The following DCC variants were observed in gnomAD, a reference collection of about 807,000 sequenced individuals.
The protein encoded by DCC is DCC netrin 1 receptor, also known as netrin receptor DCC.
A neutral mutation model predicts 172.5 loss-of-function variants in DCC; 58 were observed. The observed-to-expected ratio is 0.34, with a 90% CI of 0.27 to 0.42. The LOEUF is 0.42. Ranked by LOEUF, DCC falls within the 10% of genes least tolerant of loss-of-function variation. DCC has a pLI of 1.00. For missense variants in DCC, 1,740 were observed against 1,791.0 expected, an observed-to-expected ratio of 0.97 and a Z score of 0.51; for synonymous variants, 709 against 644.5, an observed-to-expected ratio of 1.10 and a Z score of -1.52.
At chr18:52,357,335 A>G (rs773994317) in intron 1 of DCC, among the ~76,000 whole-genome samples, 3 of 152,144 alleles carry the variant, frequency 2.0e-5, no homozygotes, top group Non-Finnish European at 4.4e-5. Context: ...GAAATTCTTT[A>G]AAAAAGTGAA....
chr18:53,433,199 G>A (rs780445146), intron 21 of DCC, among the ~76,000 whole-genome samples: 10 of 151,946 alleles, frequency 6.6e-5, no homozygotes, highest in African/African-American at 1.7e-4. Context: ...TGACCTATAC[G>A]GCATCTGATT....
chr18:53,271,483 T>A (rs1213647603), intron 12 of DCC, among the ~76,000 whole-genome samples: 1 of 152,178 alleles, frequency 6.6e-6, no homozygotes, highest in African/African-American at 2.4e-5. Context: ...TGTGTTTTCA[T>A]CTGCAAGTTT....
intron 5 of DCC, among the ~76,000 whole-genome samples, chr18:53,036,355 T>G (rs2042092028): frequency 6.6e-6 from 1 of 151,992 alleles, no homozygotes; most frequent in Admixed American, 6.6e-5. Flanking sequence ...TGTGATTTTA[T>G]CTGCAAGCAA....
At position 53,087,151 on chromosome 18, in the gene DCC, G is replaced by C. The variant is rs147065771; in HGVS notation, c.1261+20985G>C. 5.6e-3 allele frequency among the ~76,000 whole-genome samples: 848 copies of C among 152,148 alleles called. 9 individuals are homozygous for C. Among genetic ancestry groups the C allele is most frequent in the African/African-American group, 0.019 (808 of 41,502 alleles). On this transcript the variant is annotated intron_variant, in intron 7 of 28. Coordinates refer to ENST00000442544, the MANE Select transcript of DCC (RefSeq NM_005215.4). ...ATGGCTGGGTCAAATGGTATTTCTA[G>C]TCCTAGATCCATGAAGAATCGCCAC...
At position 52,697,356 on chromosome 18, in the gene DCC, C is replaced by T. The variant is rs113605144; in HGVS notation, c.92-54698C>T. ...CCAGTACTAATGGATTTCCATCTGA[C>T]GATGATGTGTTCATGGCAGCGATAT... On this transcript the variant is annotated intron_variant, in intron 1 of 28. Transcript: ENST00000442544. 1.9e-3 allele frequency among the ~76,000 whole-genome samples: 286 copies of T among 152,218 alleles called. 2 individuals are homozygous for T. The highest frequency in any genetic ancestry group is 5.9e-3 in the African/African-American group (246 of 41,538).
At chr18:53,378,688 T>C (rs1198809665) in intron 15 of DCC, among the ~76,000 whole-genome samples, 1 of 152,180 alleles carries the variant, frequency 6.6e-6, no homozygotes, top group African/African-American at 2.4e-5. Context: ...CTGAAACATT[T>C]CTCACTAAGC....
At chr18:52,677,402 G>A (rs2035663298) in intron 1 of DCC, among the ~76,000 whole-genome samples, 1 of 152,060 alleles carries the variant, frequency 6.6e-6, no homozygotes, top group African/African-American at 2.4e-5. Flanking sequence ...AAAATTTTCA[G>A]GGATCACACA....
intron 2 of DCC, among the ~76,000 whole-genome samples, chr18:52,798,067 G>T (rs2037911558): frequency 6.6e-6 from 1 of 152,162 alleles, no homozygotes. Flanking sequence ...TTGCACGAAG[G>T]TTGCTTGCAC....
chr18:53,053,848 G>A (rs1373571965), intron 5 of DCC, among the ~76,000 whole-genome samples: 2 of 152,080 alleles, frequency 1.3e-5, no homozygotes, highest in Non-Finnish European at 2.9e-5. Context: ...GTCTCATTTA[G>A]TTCACAGCTA....
At chr18:52,859,709 T>G (rs1448482472) in intron 2 of DCC, among the ~76,000 whole-genome samples, 5 of 152,176 alleles carry the variant, frequency 3.3e-5, no homozygotes, top group Non-Finnish European at 5.9e-5. Flanking sequence ...TTCTGCCCCA[T>G]GAAGACAATT....
intron 2 of DCC, among the ~76,000 whole-genome samples, chr18:52,822,581 CAAAA>C (rs1229854003): frequency 6.6e-6 from 1 of 152,138 alleles, no homozygotes; most frequent in African/African-American, 2.4e-5. Context: ...TCCCCCTAAA[CAAAA>C]AGGAAACAAA....
intron 1 of DCC, among the ~76,000 whole-genome samples, chr18:52,657,951 T>C (rs570930372): frequency 6.6e-6 from 1 of 152,336 alleles, no homozygotes; most frequent in East Asian, 1.9e-4. Flanking sequence ...TCCAGTGTTA[T>C]CATCTCATAA....
At chr18:52,432,165 T>TGAGC (rs1297597622) in intron 1 of DCC, among the ~76,000 whole-genome samples, 18 of 152,186 alleles carry the variant, frequency 1.2e-4, no homozygotes, top group African/African-American at 4.1e-4. Context: ...GCTCCCTGGG[T>TGAGC]TTCATTGACC....
At chr18:52,801,910 G>A (rs1405742642) in intron 2 of DCC, among the ~76,000 whole-genome samples, 1 of 151,976 alleles carries the variant, frequency 6.6e-6, no homozygotes. Context: ...CAAAAAATCA[G>A]TGACCCTTTA....
At chr18:53,258,374 C>G (rs1335114365) in intron 12 of DCC, among the ~76,000 whole-genome samples, 1 of 152,126 alleles carries the variant, frequency 6.6e-6, no homozygotes. Flanking sequence ...CCTCTACACA[C>G]TGCTTTTAAT....
At chr18:52,695,528 G>T (rs1293449436) in intron 1 of DCC, among the ~76,000 whole-genome samples, 1 of 152,176 alleles carries the variant, frequency 6.6e-6, no homozygotes, top group African/African-American at 2.4e-5. Flanking sequence ...CATAGTTATA[G>T]TTGTTTGCTG....
At chr18:53,352,508 G>C (rs1415082104) in intron 15 of DCC, among the ~76,000 whole-genome samples, 1 of 151,988 alleles carries the variant, frequency 6.6e-6, no homozygotes, top group Admixed American at 6.6e-5. Context: ...TTTGATGTTA[G>C]TGCATCCACT....
At chr18:53,335,079 A>C (rs1482650164) in intron 14 of DCC, among the ~76,000 whole-genome samples, 1 of 152,002 alleles carries the variant, frequency 6.6e-6, no homozygotes, top group Admixed American at 6.6e-5. Flanking sequence ...TATCTTTTTC[A>C]TTCTCTCTCT....
intron 1 of DCC, among the ~76,000 whole-genome samples, chr18:52,577,928 AGAG>A (rs1032814865): frequency 2.8e-4 from 42 of 152,330 alleles, no homozygotes; most frequent in African/African-American, 9.6e-4. Context: ...AGGTAAGGAG[AGAG>A]GAGATGATTT....
Sources: gnomAD v4.1 joint callset for allele counts (sites outside exome capture counted in the v4.1 genomes callset) on GRCh38, gnomAD v4.1.1 for gene constraint, MANE v1.5 for transcripts, NCBI Gene and HGNC (gene_info 2026-07-23, HGNC 2026-07-21) for gene names.